The following HAUS3 variants were observed in gnomAD, a reference collection of about 807,000 sequenced individuals.
The protein encoded by HAUS3 is HAUS augmin-like complex subunit 3.
HAUS3 carries 36 observed loss-of-function variants against 55.2 expected under a neutral mutation model. The observed-to-expected ratio is 0.65, with a 90% CI of 0.50 to 0.86. The LOEUF (loss-of-function observed/expected upper bound fraction) is 0.86. HAUS3 is among the 40% of genes least tolerant of loss of function. The pLI is 0.00. For missense variants in HAUS3, 752 were observed against 671.5 expected (o/e 1.12, Z -1.33); for synonymous variants, 234 against 238.6 (o/e 0.98, Z 0.18).
intron 3 of HAUS3, 49 bp from the exon 4 acceptor site, chr4:2,239,092 A>C (rs771935271): frequency 1.0e-6 from 1 of 993,234 alleles, no homozygotes. Context: ...CTAAATTTGA[A>C]ATCATCTTAA....
At chr4:2,236,095 GAT>G (rs1441387220) in intron 5 of HAUS3, 131 bp downstream of exon 5, 4 of 564,404 alleles carry the variant, frequency 7.1e-6, no homozygotes, top group Non-Finnish European at 1.2e-5. Flanking sequence ...AAAATTAGGA[GAT>G]ATAGAAATAT....
At chr4:2,235,750 T>C (rs1214758528) in intron 5 of HAUS3, among the ~76,000 whole-genome samples, 6 of 152,164 alleles carry the variant, frequency 3.9e-5, no homozygotes, top group Admixed American at 1.3e-4. Flanking sequence ...TCTAGGAATA[T>C]ATATATATGT....
intron 5 of HAUS3, among the ~76,000 whole-genome samples, chr4:2,233,996 T>C (rs1179295821): frequency 3.3e-5 from 5 of 151,844 alleles, no homozygotes; most frequent in Non-Finnish European, 7.4e-5. Context: ...GATGAAAGTA[T>C]CCAACAACAA....
At position 2,241,663 on chromosome 4, in the gene HAUS3, A is replaced by C; in HGVS notation, c.-291T>G. 1.0e-6 allele frequency: 1 copy of C among 985,436 alleles called. No individual in the cohort carries two copies. Among genetic ancestry groups the C allele is most frequent in the Non-Finnish European group, 1.2e-6 (1 of 829,916 alleles). The allele number at this position is 985,436 out of a possible 1,614,324, so 61.0% of individuals were successfully genotyped here. A position where few individuals can be genotyped will look rare whatever the true frequency, so the allele number is the denominator to read the frequency against. On this transcript the variant is annotated 5_prime_UTR_variant, in exon 2 of 6. Coordinates refer to ENST00000443786, the MANE Select transcript of HAUS3 (RefSeq NM_001303143.2). ...CCAGCGCTGAGGCAGCCCCGACGCC[A>C]GGGCCGCGCGAACCCCAGAGGCAGC...
At position 2,231,718 on chromosome 4, in the gene HAUS3, A is replaced by C. The variant is rs1577792315; in HGVS notation, c.*209T>G. On this transcript the variant is annotated 3_prime_UTR_variant, in exon 6 of 6. Coordinates refer to ENST00000443786, the MANE Select transcript of HAUS3 (RefSeq NM_001303143.2). ...TGTAAGTAAAAAATTACCAGGACTA[A>C]GTACCACTAAACACATGCTCAAGTC... is the stretch of plus-strand genomic sequence containing the variant. The C allele has an allele frequency of 7.1e-5, 27 of 378,022 alleles. No individual in the cohort carries two copies. The highest frequency in any genetic ancestry group is 9.7e-5 in the Admixed American group (2 of 20,708). The allele number at this position is 378,022 out of a possible 1,614,324, so 23.4% of individuals were successfully genotyped here.
At position 2,239,043 on chromosome 4, in the gene HAUS3, C is replaced by T. The variant is rs140394787; in HGVS notation, c.910G>A (p.Ala304Thr). The change falls in exon 4 of 6, where the codon GCT becomes ACT. Residue 304 changes from alanine (A) to threonine (T), a missense_variant and splice_region_variant. Ala to Thr is a moderately conservative substitution (Grantham distance 58). Transcript: ENST00000443786. Reference protein sequence around the residue: ...EESLHSLTSKAVDKENLDAKI... With the variant: ...EESLHSLTSKTVDKENLDAKI... ...GCATCCAAATTTTCTTTGTCCACAG[C>T]CTATACAAAGAAAAGCAATTACATT... 6.8e-7 allele frequency: 1 copy of T among 1,479,762 alleles called. No homozygotes were observed. The highest frequency in any genetic ancestry group is 9.0e-7 in the Non-Finnish European group (1 of 1,114,046). The allele number at this position is 1,479,762 out of a possible 1,614,324, so 91.7% of individuals were successfully genotyped here.
chr4:2,241,454 G>A, intron 2 of HAUS3, 66 bp downstream of exon 2: 1 of 975,120 alleles, frequency 1.0e-6, no homozygotes, highest in Non-Finnish European at 1.2e-6. Context: ...TCTCTTCCCT[G>A]CCCTCCGTAC....
intron 5 of HAUS3, among the ~76,000 whole-genome samples, chr4:2,235,254 T>C (rs1311370929): frequency 6.6e-6 from 1 of 152,260 alleles, no homozygotes; most frequent in African/African-American, 2.4e-5. Flanking sequence ...TGGAAATTTT[T>C]ACACAATTCT....
Position 2,236,407 on chromosome 4 carries a change from T to G in HAUS3, c.1399A>C (p.Thr467Pro), listed in dbSNP as rs781730860. 4.3e-6 allele frequency: 7 copies of G among 1,613,484 alleles called. No homozygotes were observed. The African/African-American group carries it at 9.3e-5, about 22-fold the overall frequency. ...GCCACTTCCTCAAGGTTTCCATGAG[T>G]TAGAAACAATTCTTTTTTCTTATTC... is the stretch of plus-strand genomic sequence containing the variant. Reference protein sequence around the residue: ...GENKKKELFLTHGNLEEVAEK... With the variant: ...GENKKKELFLPHGNLEEVAEK... Residue 467 changes from threonine (T) to proline (P), a missense_variant, in exon 5 of 6, where the codon ACT becomes CCT. By Grantham distance (38) the Thr-to-Pro change is conservative. Transcript: ENST00000443786.
chr4:2,229,936 G>GC lies in HAUS3; in HGVS notation c.*1990dup, dbSNP rs1182496608. On this transcript the variant is annotated 3_prime_UTR_variant, in exon 6 of 6. Transcript: ENST00000443786. ...CGGCAGACACACAACTACCATCCGT[G>GC]CCTTGATCTGCCCTGCTGGCCCCCT... The GC allele has an allele frequency of 6.6e-6, 1 of 152,278 alleles. No homozygotes were observed. The highest frequency in any genetic ancestry group is 1.5e-5 in the Non-Finnish European group (1 of 68,100). The allele number at this position is 152,278 out of a possible 1,614,324, so 9.4% of individuals were successfully genotyped here.
At chr4:2,233,496 T>C (rs921275552) in intron 5 of HAUS3, among the ~76,000 whole-genome samples, 2 of 152,198 alleles carry the variant, frequency 1.3e-5, no homozygotes, top group Non-Finnish European at 2.9e-5. Context: ...AAGAACATCA[T>C]ATGATTGTTT....
rs1374462944 is a variant in HAUS3, at chr4:2,236,292, T to G, written c.1514A>C (p.Lys505Thr). 1 of 1,613,788 alleles carries G rather than the reference T, an allele frequency of 6.2e-7. No individual in the cohort carries two copies. Among genetic ancestry groups the G allele is most frequent in the South Asian group, 1.1e-5 (1 of 91,080 alleles). ...AGTATCACAAAGCATGTCCACATCC[T>G]TATTCCGTTTGGACAGAAAGAAAGA... ...EHSFFLSKRN[K>T]DVDMLCDTLY... The change falls in exon 5 of 6, where the codon AAG becomes ACG. Residue 505 changes from lysine to threonine, a missense_variant. Lys to Thr is a moderately conservative substitution (Grantham distance 78). Transcript: ENST00000443786.
At position 2,240,783 on chromosome 4, in the gene HAUS3, T is replaced by G; in HGVS notation, c.164A>C (p.Glu55Ala). The change falls in exon 3 of 6, where the codon GAA (glutamate) becomes GCA (alanine). Residue 55 changes from glutamate (E) to alanine (A), a missense_variant. Glu to Ala is a moderately radical substitution (Grantham distance 107). Transcript: ENST00000443786. ...AATGCTAAAAGCTTCCAATTCTCTTTCAGACAACACGTTCTGTTCATTCAC... is the reference window on the plus strand; with the variant it reads ...AATGCTAAAAGCTTCCAATTCTCTTGCAGACAACACGTTCTGTTCATTCAC... Reference protein sequence around the residue: ...GNVNEQNVLSERELEAFSILQ... With the variant: ...GNVNEQNVLSARELEAFSILQ... The G allele has an allele frequency of 6.2e-7, 1 of 1,613,954 alleles. No individual in the cohort carries two copies. The highest frequency in any genetic ancestry group is 8.5e-7 in the Non-Finnish European group (1 of 1,179,988).
chr4:2,240,222 T>A lies in HAUS3; in HGVS notation c.725A>T (p.Asp242Val). The A allele has an allele frequency of 2.5e-6, 4 of 1,613,852 alleles. No individual in the cohort carries two copies. Among genetic ancestry groups the A allele is most frequent in the Non-Finnish European group, 3.4e-6 (4 of 1,179,870 alleles). Residue 242 changes from aspartate (D) to valine (V), a missense_variant, in exon 3 of 6, where the codon GAT becomes GTT. Transcript: ENST00000443786. ...ATCACAAATAGATGGTGTCTGTATA[T>A]CTAAAAGTTGAAAATTGTCTTCATT... ...SSNEDNFQLL[D>V]IQTPSICDNQ...
At chr4:2,232,858 A>T (rs1457795826) in intron 5 of HAUS3, among the ~76,000 whole-genome samples, 1 of 152,174 alleles carries the variant, frequency 6.6e-6, no homozygotes, top group Non-Finnish European at 1.5e-5. Context: ...AGCCAGTATC[A>T]CCAAAGAGGT....
chr4:2,230,616 A>T lies in HAUS3; in HGVS notation c.*1311T>A, dbSNP rs1734546142. On this transcript the variant is annotated 3_prime_UTR_variant, in exon 6 of 6. Coordinates refer to ENST00000443786, the MANE Select transcript of HAUS3 (RefSeq NM_001303143.2). Reference sequence around the variant, plus strand: ...ATATTTTTGTTCAATGGGTTTCAAAAATCAAGAAGGTTCATCTGTCATCTA... The same window carrying T: ...ATATTTTTGTTCAATGGGTTTCAAATATCAAGAAGGTTCATCTGTCATCTA... 1 of 152,104 alleles carries T rather than the reference A, an allele frequency of 6.6e-6. No homozygotes were observed. Among genetic ancestry groups the T allele is most frequent in the African/African-American group, 2.4e-5 (1 of 41,410 alleles). The allele number at this position is 152,104 out of a possible 1,614,324, so 9.4% of individuals were successfully genotyped here. A position where few individuals can be genotyped will look rare whatever the true frequency, so the allele number is the denominator to read the frequency against.
At chr4:2,239,806 A>G (rs967415230) in intron 3 of HAUS3, among the ~76,000 whole-genome samples, 6 of 152,248 alleles carry the variant, frequency 3.9e-5, no homozygotes, top group African/African-American at 1.4e-4. Flanking sequence ...ACTTTTGTTT[A>G]AAATAAATTA....
In HAUS3 at chr4:2,240,424, G is replaced by A; in HGVS notation, c.523C>T (p.Gln175Ter). 1.2e-6 allele frequency: 2 copies of A among 1,613,690 alleles called. No homozygotes were observed. Among genetic ancestry groups the A allele is most frequent in the Non-Finnish European group, 1.7e-6 (2 of 1,179,808 alleles). Residue 175 changes from glutamine to a stop codon, truncating the protein, a stop_gained, in exon 3 of 6, where the codon CAA (glutamine) becomes TAA (stop). Coordinates refer to ENST00000443786, the MANE Select transcript of HAUS3 (RefSeq NM_001303143.2). LOFTEE classifies it high-confidence loss of function. ...GAATGTCTGAAGAACATCATCAATT[G>A]TGTAACTTCATCAGTAAGAGCCTGA... Reference protein sequence around the residue: ...ELQALTDEVTQLMMFFRHSNL... With the variant: ...ELQALTDEVT
Position 2,231,857 on chromosome 4 carries a change from G to A in HAUS3, c.*70C>T. On this transcript the variant is annotated 3_prime_UTR_variant, in exon 6 of 6. Coordinates refer to ENST00000443786, the MANE Select transcript of HAUS3 (RefSeq NM_001303143.2). ...GACCTCAAATTTTAAAAATTTAGTA[G>A]TGTTTATTATACACAGTCTTCTAAT... 4.4e-6 allele frequency: 3 copies of A among 682,418 alleles called. No individual in the cohort carries two copies. Among genetic ancestry groups the A allele is most frequent in the East Asian group, 3.0e-5 (1 of 33,704 alleles). The allele number at this position is 682,418 out of a possible 1,614,324, so 42.3% of individuals were successfully genotyped here.
Sources: allele counts gnomAD v4.1 joint callset (sites outside exome capture counted in the v4.1 genomes callset), GRCh38; gene constraint gnomAD v4.1.1; transcripts MANE v1.5; gene names NCBI Gene and HGNC (gene_info 2026-07-23, HGNC 2026-07-21).